Variants in DOCK9 observed in about 807,000 individuals in gnomAD.
The protein encoded by DOCK9 is dedicator of cytokinesis 9.
DOCK9 carries 89 observed loss-of-function variants against 263.3 expected under a neutral mutation model. The observed-to-expected ratio is 0.34, with a 90% CI of 0.28 to 0.40. The LOEUF (loss-of-function observed/expected upper bound fraction) is 0.40. Ranked by LOEUF, DOCK9 falls within the 10% of genes least tolerant of loss-of-function variation. DOCK9 has a pLI of 1.00. For synonymous variants in DOCK9, 976 were observed against 973.1 expected (o/e 1.00, Z -0.06); for missense variants, 2,140 against 2,603.4 (o/e 0.82, Z 3.87).
chr13:98,881,644 T>C lies in DOCK9; in HGVS notation c.2676-17A>G, dbSNP rs1420287051. On this transcript the variant is annotated splice_polypyrimidine_tract_variant and intron_variant, in intron 24 of 52. Transcript: ENST00000682017. ...ATAATGACCCTACACACCACAGGAG[T>C]GAATAAAGCAAAGAATATGTAAAAA... 1.9e-6 allele frequency: 3 copies of C among 1,597,238 alleles called. 1 individual carries two copies. Among genetic ancestry groups the C allele is most frequent in the African/African-American group, 2.7e-5 (2 of 74,494 alleles).
intron 1 of DOCK9, among the ~76,000 whole-genome samples, chr13:99,026,457 A>G (rs1431089273): frequency 6.6e-6 from 1 of 152,336 alleles, no homozygotes; most frequent in Admixed American, 6.5e-5. Context: ...GCATATGCAG[A>G]AGAGAGGACA....
chr13:98,837,574 A>G lies in DOCK9; in HGVS notation c.4234T>C (p.Ser1412Pro). 1 of 1,613,856 alleles carries G rather than the reference A, an allele frequency of 6.2e-7. No individual in the cohort carries two copies. The change falls in exon 39 of 53, where the codon TCA becomes CCA. Residue 1412 changes from serine (S) to proline (P), a missense_variant. Ser to Pro is a moderately conservative substitution (Grantham distance 74). Transcript: ENST00000682017. ...GTAGCAATGTTGGCTTCAAGTAATGACTGGTGCAGAACATCTGCGTCCGAG... is the reference window on the plus strand; with the variant it reads ...GTAGCAATGTTGGCTTCAAGTAATGGCTGGTGCAGAACATCTGCGTCCGAG... ...GHSDADVLHQSLLEANIATEV... is the reference protein window; with the variant it reads ...GHSDADVLHQPLLEANIATEV...
At chr13:98,985,085 GT>G (rs1567172046) in intron 1 of DOCK9, among the ~76,000 whole-genome samples, 1 of 127,558 alleles carries the variant, frequency 7.8e-6, no homozygotes, top group Non-Finnish European at 1.7e-5. Context: ...GGGGTGGGCA[GT>G]TGGGGGGGTG....
chr13:98,923,349 G>A lies in DOCK9; in HGVS notation c.439C>T (p.Leu147Phe), dbSNP rs1411928845. The change falls in exon 5 of 53, where the codon CTT becomes TTT. Residue 147 changes from leucine to phenylalanine, a missense_variant. Physicochemically the swap from Leu to Phe is conservative, Grantham distance 22 (BLOSUM62 0). This residue lies in a region of DOCK9 where 1,521 missense variants were observed against 1,741.7 expected (regional missense o/e 0.87). Coordinates refer to ENST00000682017, the MANE Select transcript of DOCK9 (RefSeq NM_001366683.2). ...LPNKVVKLDK[L>F]PVHVYEVDEE... ...TCAACTTCATAGACATGAACTGGAA[G>A]TTTATCCAACTTGACCACTTTGCTA... 10 of 1,613,762 alleles carry A rather than the reference G, an allele frequency of 6.2e-6. No homozygotes were observed. The Admixed American group carries it at 1.0e-4, about 16-fold the overall frequency.
At chr13:99,016,878 G>T (rs1344609721) in intron 1 of DOCK9, among the ~76,000 whole-genome samples, 1 of 152,192 alleles carries the variant, frequency 6.6e-6, no homozygotes, top group Non-Finnish European at 1.5e-5. Flanking sequence ...GAAAGTTAGA[G>T]TGAATTAACT....
At chr13:98,916,492 T>C (rs1360038851) in intron 7 of DOCK9, among the ~76,000 whole-genome samples, 1 of 152,184 alleles carries the variant, frequency 6.6e-6, no homozygotes, top group Non-Finnish European at 1.5e-5. Context: ...CCACACTCTC[T>C]CTAAGAGTTC....
intron 1 of DOCK9, among the ~76,000 whole-genome samples, chr13:99,060,377 C>T (rs895551191): frequency 2.0e-5 from 3 of 152,042 alleles, no homozygotes; most frequent in African/African-American, 4.8e-5. Context: ...GCGCCTGGCC[C>T]GATTATTTCT....
intron 52 of DOCK9, chr13:98,796,120 A>T: frequency 9.8e-7 from 1 of 1,017,010 alleles, no homozygotes; most frequent in Non-Finnish European, 1.5e-6. Context: ...TCATTATGCC[A>T]ATGTCTGTAG....
intron 48 of DOCK9, among the ~76,000 whole-genome samples, chr13:98,806,068 T>C (rs1201736638): frequency 1.3e-5 from 2 of 152,236 alleles, no homozygotes; most frequent in African/African-American, 4.8e-5. Context: ...ATTTCTCTGA[T>C]TGTTTCTTAA....
chr13:99,049,512 T>C (rs1382019077), intron 1 of DOCK9, among the ~76,000 whole-genome samples: 3 of 152,134 alleles, frequency 2.0e-5, no homozygotes, highest in Non-Finnish European at 4.4e-5. Context: ...AGGCTACTGA[T>C]GTAACAGCTG....
At chr13:98,986,611 T>G (rs915337843) in intron 1 of DOCK9, among the ~76,000 whole-genome samples, 1 of 152,176 alleles carries the variant, frequency 6.6e-6, no homozygotes, top group Non-Finnish European at 1.5e-5. Flanking sequence ...TAAAATAATA[T>G]CATCAGCAGC....
chr13:98,976,324 C>G (rs1388598963), intron 1 of DOCK9, among the ~76,000 whole-genome samples: 1 of 152,038 alleles, frequency 6.6e-6, no homozygotes, highest in Admixed American at 6.6e-5. Context: ...AAACAAATAG[C>G]TAGGACATAA....
At chr13:98,922,628 G>A (rs1295855555) in intron 5 of DOCK9, among the ~76,000 whole-genome samples, 2 of 152,220 alleles carry the variant, frequency 1.3e-5, no homozygotes, top group Non-Finnish European at 2.9e-5. Flanking sequence ...GAGAGATAAA[G>A]TGATGGGGGG....
In DOCK9 at chr13:98,925,850, G is replaced by A. The variant is rs1441557316; in HGVS notation, c.403C>T (p.Arg135Ter). 1 of 1,571,348 alleles carries A rather than the reference G, an allele frequency of 6.4e-7. No individual in the cohort carries two copies. Among genetic ancestry groups the A allele is most frequent in the South Asian group, 1.2e-5 (1 of 85,220 alleles). The change falls in exon 4 of 53, where the codon CGA (arginine) becomes TGA (stop). Residue 135 changes from arginine to a stop codon, truncating the protein, a stop_gained. Coordinates refer to ENST00000682017, the MANE Select transcript of DOCK9 (RefSeq NM_001366683.2). LOFTEE classifies it high-confidence loss of function. The stretch of plus-strand genomic sequence containing the variant: ...TAGCTTACTCACTTCGGAAGCTGTC[G>A]AAACTCTCCTGAGTAATCTTCATAT... ...YKYEDYSGEF[R>*]QLPNKVVKLD...
intron 15 of DOCK9, among the ~76,000 whole-genome samples, chr13:98,896,004 A>G (rs1202289481): frequency 6.6e-6 from 1 of 152,132 alleles, no homozygotes; most frequent in Admixed American, 6.5e-5. Context: ...CTCATCCTTC[A>G]CCAGTATCCT....
chr13:98,828,674 A>G (rs2140886516), intron 43 of DOCK9, among the ~76,000 whole-genome samples: 2 of 152,362 alleles, frequency 1.3e-5, no homozygotes, highest in Admixed American at 1.3e-4. Flanking sequence ...TCCTAGGCGC[A>G]CAGACTGCCT....
chr13:98,934,988 G>C (rs2054582811), intron 2 of DOCK9, among the ~76,000 whole-genome samples: 1 of 152,202 alleles, frequency 6.6e-6, no homozygotes, highest in African/African-American at 2.4e-5. Context: ...AGAGGACGAT[G>C]AGGAAATAAT....
At chr13:98,930,806 G>A (rs989977405) in intron 2 of DOCK9, among the ~76,000 whole-genome samples, 33 of 152,030 alleles carry the variant, frequency 2.2e-4, no homozygotes, top group Middle Eastern at 3.4e-3. Flanking sequence ...CACCACGCTC[G>A]GTTAATTTTG....
intron 1 of DOCK9, among the ~76,000 whole-genome samples, chr13:99,021,397 T>A (rs1381751354): frequency 6.6e-6 from 1 of 152,104 alleles, no homozygotes; most frequent in East Asian, 1.9e-4. Context: ...CCCAGCACTT[T>A]GGGAGGCCAA....
Sources: allele counts gnomAD v4.1 joint callset (sites outside exome capture counted in the v4.1 genomes callset), GRCh38; gene constraint gnomAD v4.1.1; regional missense constraint gnomAD v4.1.1; transcripts MANE v1.5; gene names NCBI Gene and HGNC (gene_info 2026-07-23, HGNC 2026-07-21).